KRT80: variants seen among roughly 807,000 people sequenced by gnomAD.
KRT80 encodes keratin, type II cytoskeletal 80.
KRT80 carries 36 observed loss-of-function variants against 51.5 expected under a neutral mutation model. That is an observed-to-expected ratio of 0.70 (90% CI 0.54 to 0.92). The LOEUF (loss-of-function observed/expected upper bound fraction) is 0.92, where lower values mean the gene tolerates loss of function less well. Ranked by LOEUF, KRT80 falls within the 40% of genes least tolerant of loss-of-function variation. The pLI is 0.00. For synonymous variants in KRT80, 235 were observed against 248.3 expected, an observed-to-expected ratio of 0.95 and a Z score of 0.50; for missense variants, 566 against 591.7, an observed-to-expected ratio of 0.96 and a Z score of 0.45.
At chr12:52,184,472 T>C (rs1333636301) in intron 2 of KRT80, among the ~76,000 whole-genome samples, 1 of 152,238 alleles carries the variant, frequency 6.6e-6, no homozygotes, top group Non-Finnish European at 1.5e-5. Flanking sequence ...AAAGACCTGC[T>C]GTGTGCTGAG....
rs11542201 is a variant in KRT80 at position 52,191,961 on chromosome 12, C to T, written c.-59G>A. The T allele has an allele frequency of 5.7e-6, 8 of 1,394,514 alleles. No homozygotes were observed. Among genetic ancestry groups the T allele is most frequent in the South Asian group, 4.5e-5 (3 of 66,134 alleles). 86.4% of individuals were successfully genotyped at this position (1,394,514 alleles called of 1,614,324 possible). ...GGGTGAGCGAGTGAGCCTGGGGTTG[C>T]GTCGGGTGGCAGGCTCTGGTTGCTC... On this transcript the variant is annotated 5_prime_UTR_variant, in exon 1 of 9. Coordinates refer to ENST00000394815, the MANE Select transcript of KRT80 (RefSeq NM_182507.3).
intron 1 of KRT80, among the ~76,000 whole-genome samples, chr12:52,190,756 T>C (rs1443544885): frequency 1.3e-5 from 2 of 152,212 alleles, no homozygotes; most frequent in Non-Finnish European, 2.9e-5. Flanking sequence ...GGCACTATCA[T>C]GATTATTCTT....
chr12:52,180,768 C>T (rs376757344), intron 3 of KRT80, 135 bp downstream of exon 3: 8 of 1,585,110 alleles, frequency 5.0e-6, no homozygotes, highest in Non-Finnish European at 6.9e-6. Context: ...GGGGTATCTC[C>T]CTGTCTGTCT....
intron 1 of KRT80, among the ~76,000 whole-genome samples, chr12:52,186,153 G>A (rs534264273): frequency 6.6e-6 from 1 of 151,690 alleles, no homozygotes; most frequent in Non-Finnish European, 1.5e-5. Flanking sequence ...CTGTCCAGCC[G>A]AGCTCAGCCT....
intron 2 of KRT80, among the ~76,000 whole-genome samples, chr12:52,181,734 G>C (rs933861022): frequency 1.3e-5 from 2 of 152,122 alleles, no homozygotes; most frequent in Non-Finnish European, 2.9e-5. Flanking sequence ...ACACCGTTGG[G>C]TGGGGAGGAC....
rs202050803 is a variant in KRT80, at chr12:52,171,461, G to A, written c.1296C>T (p.Pro432=). ...PSRKKKGSKG[P]VIKITEMSEK... is the part of the protein sequence containing the mutation. ...CTGACATTTCGGTGATTTTGATCAC[G>A]GGGCCTTTGCTGCCCTTCTTCTTTC... The change falls in exon 9 of 9, where the codon CCC becomes CCT. Residue 432 remains proline (P), a synonymous_variant. Transcript: ENST00000394815. The A allele has an allele frequency of 7.4e-6, 12 of 1,612,964 alleles. No homozygotes were observed. Among genetic ancestry groups the A allele is most frequent in the East Asian group, 6.7e-5 (3 of 44,832 alleles).
rs377454952 is a variant in KRT80 at position 52,172,620 on chromosome 12, G to C, written c.958-202C>G. Among the ~76,000 whole-genome samples the C allele has an allele frequency of 4.6e-5, 7 of 152,278 alleles. No individual in the cohort carries two copies. In the South Asian group the frequency reaches 1.5e-3, roughly 32 times the overall value. ...GAAGAGGCACCTTCCCAAGGCCAGA[G>C]GAAAGCACCGCAAGCCACTAAAGGA... On this transcript the variant is annotated intron_variant, in intron 6 of 8. Transcript: ENST00000394815.
Position 52,171,661 on chromosome 12 carries a change from T to C in KRT80, c.1231A>G (p.Thr411Ala). The C allele has an allele frequency of 6.3e-7, 1 of 1,588,084 alleles. No individual in the cohort carries two copies. Among genetic ancestry groups the C allele is most frequent in the Non-Finnish European group, 8.6e-7 (1 of 1,167,534 alleles). ...VVSAVQSRCK[T>A]AASRSGLSKA... ...TTCTCGGGGCAAGAGGACTCACCGG[T>C]TTTGCACCTGGACTGCACAGCGCTG... Residue 411 changes from threonine (T) to alanine (A), a missense_variant, in exon 8 of 9, where the codon ACC becomes GCC. Physicochemically the swap from Thr to Ala is moderately conservative, Grantham distance 58. Transcript: ENST00000394815.
At chr12:52,191,428 G>A (rs919313736) in intron 1 of KRT80, among the ~76,000 whole-genome samples, 175 bp downstream of exon 1, 1 of 152,170 alleles carries the variant, frequency 6.6e-6, no homozygotes, top group Non-Finnish European at 1.5e-5. Flanking sequence ...ATGGATCAGG[G>A]ACTTCCCTCC....
At chr12:52,171,783 C>G (rs528981931) in intron 7 of KRT80, 70 bp from the exon 8 acceptor site, 1 of 1,073,998 alleles carries the variant, frequency 9.3e-7, no homozygotes, top group Admixed American at 2.1e-5. Context: ...GGCTTAAACT[C>G]CCCTGGGGGC....
At chr12:52,184,320 C>T (rs1303091643) in intron 2 of KRT80, among the ~76,000 whole-genome samples, 2 of 152,172 alleles carry the variant, frequency 1.3e-5, no homozygotes, top group African/African-American at 4.8e-5. Flanking sequence ...GTGCAGGGCA[C>T]AGCCACTCTC....
intron 2 of KRT80, among the ~76,000 whole-genome samples, chr12:52,182,669 T>C (rs1305569334): frequency 6.6e-6 from 1 of 152,016 alleles, no homozygotes; most frequent in African/African-American, 2.4e-5. Context: ...GTAGGGTGAG[T>C]TGAGGGAGAC....
Position 52,180,660 on chromosome 12 carries a change from G to T in KRT80, c.571-52C>A, listed in dbSNP as rs184932116. On this transcript the variant is annotated intron_variant, in intron 3 of 8. Coordinates refer to ENST00000394815, the MANE Select transcript of KRT80 (RefSeq NM_182507.3). ...TGGGAGAGGGAATGGAGGGTCCCAG[G>T]GCAGGAGTGGGCTGGGGGGCTGCCT... 3.5e-5 allele frequency: 55 copies of T among 1,562,854 alleles called. No homozygotes were observed. The East Asian group carries it at 1.2e-3, about 33-fold the overall frequency.
intron 1 of KRT80, among the ~76,000 whole-genome samples, chr12:52,188,788 C>T (rs1941441449): frequency 6.6e-6 from 1 of 152,354 alleles, no homozygotes; most frequent in Non-Finnish European, 1.5e-5. Context: ...CCTCTCTCTC[C>T]ATCCCCTCTG....
At chr12:52,189,525 T>C (rs1724606300) in intron 1 of KRT80, among the ~76,000 whole-genome samples, 1 of 152,394 alleles carries the variant, frequency 6.6e-6, no homozygotes, top group African/African-American at 2.4e-5. Context: ...ACAACACAGC[T>C]GGTCAGTAGT....
Position 52,170,135 on chromosome 12 carries a change from G to A in KRT80, c.*1263C>T, listed in dbSNP as rs929557403. 7.2e-5 allele frequency: 11 copies of A among 152,444 alleles called. No homozygotes were observed. The highest frequency in any genetic ancestry group is 2.2e-4 in the African/African-American group (9 of 41,460). 9.4% of individuals were successfully genotyped at this position (152,444 alleles called of 1,614,324 possible). On this transcript the variant is annotated 3_prime_UTR_variant, in exon 9 of 9. Transcript: ENST00000394815. ...CAACACCCCTGTCTTCTGGTGGGAT[G>A]TGGAATTTTCCTCTCTGGTAGAACC...
At chr12:52,179,603 C>T (rs1251166933) in intron 4 of KRT80, among the ~76,000 whole-genome samples, 1 of 152,240 alleles carries the variant, frequency 6.6e-6, no homozygotes, top group Non-Finnish European at 1.5e-5. Flanking sequence ...TTCCTTTCCA[C>T]AGGATGCAGC....
At chr12:52,177,058 G>A (rs1941237840) in intron 4 of KRT80, among the ~76,000 whole-genome samples, 1 of 152,218 alleles carries the variant, frequency 6.6e-6, no homozygotes, top group Non-Finnish European at 1.5e-5. Context: ...AGTTCCCACA[G>A]TTACTGAGCC....
At chr12:52,180,215 C>T (rs562749021) in intron 4 of KRT80, among the ~76,000 whole-genome samples, 243 of 152,298 alleles carry the variant, frequency 1.6e-3, no homozygotes, top group Non-Finnish European at 2.9e-3. Flanking sequence ...GACCCTTGTC[C>T]GAGGCACCTG....
Sources: allele counts gnomAD v4.1 joint callset (sites outside exome capture counted in the v4.1 genomes callset), GRCh38; gene constraint gnomAD v4.1.1; transcripts MANE v1.5; gene names NCBI Gene and HGNC (gene_info 2026-07-23, HGNC 2026-07-21).